Variants in C4orf50 observed in about 807,000 individuals in gnomAD.
C4orf50 encodes chromosome 4 open reading frame 50, also known as uncharacterized protein C4orf50.
In C4orf50, 80 loss-of-function variants were observed where a neutral mutation model predicts 77.2. The observed-to-expected ratio is 1.04, with a 90% CI of 0.87 to 1.25. C4orf50 has a LOEUF of 1.25. Among genes scored for constraint, C4orf50 ranks in the 50% most tolerant of loss-of-function variants. C4orf50 has a pLI of 0.00. For synonymous variants in C4orf50, 532 were observed against 465.3 expected (o/e 1.14, Z -1.84); for missense variants, 1,257 against 1,152.9 (o/e 1.09, Z -1.31).
chr4:5,920,811 T>C (rs1319521539), intron 7 of C4orf50, among the ~76,000 whole-genome samples: 2 of 152,146 alleles, frequency 1.3e-5, no homozygotes, highest in African/African-American at 2.4e-5. Flanking sequence ...ACAAGTACCA[T>C]GATGGTAGAG....
At chr4:5,898,226 T>C (rs535605463) in intron 7 of C4orf50, 1 of 152,342 alleles carries the variant, frequency 6.6e-6, no homozygotes, top group Non-Finnish European at 1.5e-5. Context: ...ATGACACTCA[T>C]GCCTCTTCCC....
chr4:5,931,698 G>A (rs1340807057), intron 7 of C4orf50, among the ~76,000 whole-genome samples: 1 of 152,018 alleles, frequency 6.6e-6, no homozygotes, highest in Non-Finnish European at 1.5e-5. Flanking sequence ...CTCTCTGCAG[G>A]GGGATCCCTC....
intron 7 of C4orf50, among the ~76,000 whole-genome samples, chr4:5,940,546 G>C (rs1051769066): frequency 6.6e-6 from 1 of 152,152 alleles, no homozygotes; most frequent in African/African-American, 2.4e-5. Flanking sequence ...GAAGTGCCTG[G>C]TAAGTAATCA....
At chr4:5,960,470 G>A (rs1719211562) in intron 33 of C4orf50, among the ~76,000 whole-genome samples, 1 of 152,362 alleles carries the variant, frequency 6.6e-6, no homozygotes, top group African/African-American at 2.4e-5. Flanking sequence ...AGCAGCCGCA[G>A]GTTTGCAATG....
intron 30 of C4orf50, 80 bp downstream of exon 8, chr4:5,975,819 T>C (rs766709229): frequency 9.3e-5 from 105 of 1,125,858 alleles, no homozygotes; most frequent in Non-Finnish European, 1.1e-4. Context: ...TAGAGGTGGA[T>C]TACATGTCTA....
intron 7 of C4orf50, among the ~76,000 whole-genome samples, chr4:5,912,657 G>GGAA (rs1189325385): frequency 6.6e-6 from 1 of 152,178 alleles, no homozygotes; most frequent in Non-Finnish European, 1.5e-5. Flanking sequence ...GTTCCCTAGA[G>GGAA]GAAGGGGCAT....
intron 7 of C4orf50, among the ~76,000 whole-genome samples, chr4:5,950,916 TTACC>T (rs1718687875): frequency 2.0e-5 from 3 of 152,276 alleles, no homozygotes; most frequent in African/African-American, 7.2e-5. Flanking sequence ...AATGAATGAA[TTACC>T]TACGGCATTA....
chr4:5,911,158 C>A (rs1431289466), intron 7 of C4orf50, among the ~76,000 whole-genome samples: 1 of 152,132 alleles, frequency 6.6e-6, no homozygotes, highest in East Asian at 1.9e-4. Context: ...ATCCACCTGC[C>A]TCGGCCTCCC....
At chr4:5,976,068 T>G (rs1720262852) in intron 29 of C4orf50, 113 bp from the exon 8 acceptor site, 1 of 778,288 alleles carries the variant, frequency 1.3e-6, no homozygotes, top group African/African-American at 1.7e-5. Context: ...CTCTTTACCC[T>G]CATGGGGACT....
exon 34 of C4orf50, chr4:5,957,732 T>C (rs1454299383): frequency 1.3e-5 from 2 of 152,248 alleles, no homozygotes; most frequent in East Asian, 3.9e-4. Flanking sequence ...CAGGAATACA[T>C]GGATGAATGT....
chr4:5,976,905 G>GC (rs1720318484), intron 29 of C4orf50, among the ~76,000 whole-genome samples: 1 of 152,262 alleles, frequency 6.6e-6, no homozygotes, highest in African/African-American at 2.4e-5. Context: ...GGCCTGAGAT[G>GC]CCTTGACTCA....
rs377076542 is a variant in C4orf50 at position 6,017,688 on chromosome 4, G to A, written c.287+457C>T. Among the ~76,000 whole-genome samples, 9 of 152,156 alleles carry A rather than the reference G, an allele frequency of 5.9e-5. No individual in the cohort carries two copies. In the East Asian group the frequency reaches 9.7e-4, roughly 16 times the overall value. The stretch of plus-strand genomic sequence containing the variant: ...CTGTGTGGACATCTACTTGTCTGGC[G>A]GCTGCCTAAAACCATGCTTCTGTCT... On this transcript the variant is annotated intron_variant, in intron 23 of 33. Coordinates refer to ENST00000531445, the Ensembl canonical transcript of C4orf50. The surrounding 1 kb of genome is among the most constrained non-coding windows in gnomAD (Gnocchi z 4.7).
At chr4:6,013,805 G>T (rs1032257760) in intron 23 of C4orf50, among the ~76,000 whole-genome samples, 3 of 152,172 alleles carry the variant, frequency 2.0e-5, no homozygotes, top group African/African-American at 7.2e-5. Context: ...GCCTCGGAGA[G>T]GGCTTGGCTC....
At chr4:5,963,064 C>T (rs546328302) in intron 33 of C4orf50, among the ~76,000 whole-genome samples, 1 of 149,838 alleles carries the variant, frequency 6.7e-6, no homozygotes, top group East Asian at 2.0e-4. Flanking sequence ...TGCAGAGACA[C>T]GATCTTGGCT....
intron 7 of C4orf50, among the ~76,000 whole-genome samples, chr4:5,917,154 A>G (rs1047709924): frequency 6.6e-6 from 1 of 152,168 alleles, no homozygotes; most frequent in Non-Finnish European, 1.5e-5. Flanking sequence ...ACTGTTATAG[A>G]TGAGGAAGCT....
At chr4:5,943,218 A>G (rs1186360164) in intron 7 of C4orf50, among the ~76,000 whole-genome samples, 2 of 152,248 alleles carry the variant, frequency 1.3e-5, no homozygotes, top group African/African-American at 4.8e-5. Context: ...AGGCACCCGC[A>G]GTAGGCTTCT....
chr4:5,943,333 G>A (rs1209357566), intron 7 of C4orf50, among the ~76,000 whole-genome samples: 1 of 152,180 alleles, frequency 6.6e-6, no homozygotes, highest in African/African-American at 2.4e-5. Flanking sequence ...CTAAGCCCCT[G>A]AGTTTTCCCA....
At chr4:5,988,384 T>C (rs1479373826) in exon 28 of C4orf50, 2 of 1,613,962 alleles carry the variant, frequency 1.2e-6, no homozygotes, top group Non-Finnish European at 1.7e-6. Context: ...AGCTTGCCCC[T>C]GAGCCACAGA....
Position 6,007,201 on chromosome 4 carries a change from C to T in C4orf50, c.963+795G>A, listed in dbSNP as rs376655993. On this transcript the variant is annotated intron_variant, in intron 25 of 33. Coordinates refer to ENST00000531445, the Ensembl canonical transcript of C4orf50. The surrounding 1 kb of genome is among the most constrained non-coding windows in gnomAD (Gnocchi z 4.1). ...TGTGGTGAATGAGAAGATAATGGAA[C>T]GTGGCTAGACAAGTGGGTGGGTGAG... 2.6e-5 allele frequency among the ~76,000 whole-genome samples: 4 copies of T among 152,080 alleles called. No individual in the cohort carries two copies. Among genetic ancestry groups the T allele is most frequent in the South Asian group, 2.1e-4 (1 of 4,816 alleles).
Sources: gnomAD v4.1 joint callset for allele counts (sites outside exome capture counted in the v4.1 genomes callset) on GRCh38, gnomAD v4.1.1 for gene constraint, Gnocchi (gnomAD v3.1) non-coding constraint, MANE v1.5 for transcripts, NCBI Gene and HGNC (gene_info 2026-07-23, HGNC 2026-07-21) for gene names.